Variants in SGCD observed in about 807,000 individuals in gnomAD.
The protein encoded by SGCD is delta-sarcoglycan.
In SGCD, 18 loss-of-function variants were observed where a neutral mutation model predicts 36.6. The ratio of observed to expected loss-of-function variants is 0.49; its 90% CI spans 0.34 to 0.73. The LOEUF (loss-of-function observed/expected upper bound fraction) is 0.73. Ranked by LOEUF, SGCD falls within the 30% of genes least tolerant of loss-of-function variation. The pLI is 0.01. For missense variants in SGCD, 387 were observed against 346.7 expected (o/e 1.12, Z -0.92); for synonymous variants, 133 against 130.6 (o/e 1.02, Z -0.12).
chr5:156,264,257 A>G (rs912836790), intron 3 of SGCD, among the ~76,000 whole-genome samples: 7 of 152,116 alleles, frequency 4.6e-5, no homozygotes, highest in African/African-American at 1.7e-4. Flanking sequence ...AAGAGGCAAG[A>G]CTAAGTCCCC....
intron 4 of SGCD, among the ~76,000 whole-genome samples, chr5:156,543,658 T>C (rs1007512867): frequency 2.0e-5 from 3 of 152,198 alleles, no homozygotes; most frequent in African/African-American, 7.2e-5. Flanking sequence ...TGTAAGGGGC[T>C]GGGCTAAGTG....
At chr5:156,656,063 A>G (rs1042558822) in intron 7 of SGCD, among the ~76,000 whole-genome samples, 7 of 152,132 alleles carry the variant, frequency 4.6e-5, no homozygotes, top group African/African-American at 1.4e-4. Flanking sequence ...ATGCCACGGC[A>G]AATGTTAAAA....
chr5:156,550,294 T>C (rs557182254), intron 4 of SGCD, among the ~76,000 whole-genome samples: 2 of 152,170 alleles, frequency 1.3e-5, no homozygotes, highest in Non-Finnish European at 2.9e-5. Context: ...TTAAGGAACA[T>C]TGGTTGTGCA....
intron 4 of SGCD, among the ~76,000 whole-genome samples, chr5:156,523,856 G>T (rs1197528084): frequency 6.6e-6 from 1 of 151,554 alleles, no homozygotes; most frequent in Non-Finnish European, 1.5e-5. Context: ...CCTTGCAGGT[G>T]CAGTACCTGG....
intron 4 of SGCD, among the ~76,000 whole-genome samples, chr5:156,537,484 CACACACACACACACACACACACAG>C (rs1758166942): frequency 6.6e-6 from 1 of 150,632 alleles, no homozygotes; most frequent in African/African-American, 2.5e-5. Context: ...CACACACACA[CACACACACACACACACACACACAG>C]GTATATATAT....
Position 156,679,276 on chromosome 5 carries a change from A to G in SGCD, c.575+31740A>G, listed in dbSNP as rs187922300. 9.1e-4 allele frequency among the ~76,000 whole-genome samples: 138 copies of G among 152,316 alleles called. 1 individual carries two copies. The highest frequency in any genetic ancestry group is 1.5e-3 in the Non-Finnish European group (104 of 68,030). On this transcript the variant is annotated intron_variant, in intron 7 of 8. Coordinates refer to ENST00000337851, the MANE Select transcript of SGCD (RefSeq NM_000337.6). The stretch of plus-strand genomic sequence containing the variant: ...CAATGTATTCAGTTTAAGACCAAGC[A>G]CCACCACTAGACCATATATTACCTG...
At chr5:156,530,279 T>C (rs750298538) in intron 4 of SGCD, among the ~76,000 whole-genome samples, 2 of 152,232 alleles carry the variant, frequency 1.3e-5, no homozygotes, top group African/African-American at 4.8e-5. Flanking sequence ...AGCAGTTATG[T>C]TTAAAAATAA....
At chr5:156,215,222 A>G (rs893457847) in intron 3 of SGCD, among the ~76,000 whole-genome samples, 4 of 152,124 alleles carry the variant, frequency 2.6e-5, no homozygotes, top group African/African-American at 7.2e-5. Flanking sequence ...GATAAGGGAT[A>G]TTCAACCCAT....
intron 1 of SGCD, among the ~76,000 whole-genome samples, chr5:156,093,201 G>T: frequency 6.6e-6 from 1 of 152,072 alleles, no homozygotes; most frequent in Middle Eastern, 3.2e-3. Flanking sequence ...TCTACAATAG[G>T]CCCATTGTTT....
rs1172945499 is a variant in SGCD, at chr5:156,730,558, AT to A, written c.576-27016del. Among the ~76,000 whole-genome samples, 36 of 152,074 alleles carry A rather than the reference AT, an allele frequency of 2.4e-4. No homozygotes were observed. The Middle Eastern group carries it at 0.01, about 43-fold the overall frequency. ...ATATTCCTGCAAAGGATATGATTTC[AT>A]TTTTTTATGGCTGCATAGTATTCCA... On this transcript the variant is annotated intron_variant, in intron 7 of 8. Transcript: ENST00000337851.
chr5:156,753,569 G>A (rs533140787), intron 7 of SGCD, among the ~76,000 whole-genome samples: 4 of 152,282 alleles, frequency 2.6e-5, no homozygotes, highest in Admixed American at 6.5e-5. Flanking sequence ...GCCCGAGGCT[G>A]GGTAATTTAT....
At chr5:156,459,249 C>T (rs1306581318) in intron 3 of SGCD, among the ~76,000 whole-genome samples, 1 of 152,122 alleles carries the variant, frequency 6.6e-6, no homozygotes, top group Non-Finnish European at 1.5e-5. Context: ...GACAGATGGA[C>T]ATTAGATAAA....
chr5:156,443,966 A>G (rs927046419), intron 3 of SGCD, among the ~76,000 whole-genome samples: 1 of 151,976 alleles, frequency 6.6e-6, no homozygotes, highest in Middle Eastern at 3.2e-3. Flanking sequence ...CAGAATCTCA[A>G]TTCTTTGAAA....
chr5:156,613,892 C>T (rs1242838790), intron 6 of SGCD, among the ~76,000 whole-genome samples: 2 of 152,186 alleles, frequency 1.3e-5, no homozygotes, highest in Non-Finnish European at 2.9e-5. Flanking sequence ...ATCACTTGCC[C>T]TGAATAAATG....
At chr5:156,158,836 TG>T (rs1157787171) in intron 3 of SGCD, among the ~76,000 whole-genome samples, 2 of 151,552 alleles carry the variant, frequency 1.3e-5, no homozygotes, top group Non-Finnish European at 2.9e-5. Context: ...CATACTAGCA[TG>T]ATAGAAAGGA....
intron 5 of SGCD, among the ~76,000 whole-genome samples, chr5:156,590,640 C>T (rs887560584): frequency 6.6e-6 from 1 of 152,104 alleles, no homozygotes; most frequent in Admixed American, 6.5e-5. Context: ...GATCATTTCC[C>T]ATTTATTTGT....
chr5:156,354,316 G>C (rs1769396664), intron 3 of SGCD, among the ~76,000 whole-genome samples: 1 of 152,082 alleles, frequency 6.6e-6, no homozygotes, highest in Non-Finnish European at 1.5e-5. Context: ...AGTTAAACTT[G>C]ATTGGGGAGC....
chr5:156,364,997 T>C (rs900299629), intron 3 of SGCD, among the ~76,000 whole-genome samples: 7 of 152,210 alleles, frequency 4.6e-5, no homozygotes, highest in African/African-American at 1.7e-4. Flanking sequence ...AGATAGCTTT[T>C]ATCTCTAACA....
chr5:156,355,290 G>A (rs568144745), intron 3 of SGCD, among the ~76,000 whole-genome samples: 1 of 152,304 alleles, frequency 6.6e-6, no homozygotes, highest in African/African-American at 2.4e-5. Context: ...ACCCAGAGCT[G>A]TGGGATTAAG....
Sources: allele counts gnomAD v4.1 joint callset (sites outside exome capture counted in the v4.1 genomes callset), GRCh38; gene constraint gnomAD v4.1.1; transcripts MANE v1.5; gene names NCBI Gene and HGNC (gene_info 2026-07-23, HGNC 2026-07-21).